Variants in PAPSS2 observed in about 807,000 individuals in gnomAD.
The protein encoded by PAPSS2 is 3'-phosphoadenosine 5'-phosphosulfate synthase 2.
In PAPSS2, 61 loss-of-function variants were observed where a neutral mutation model predicts 66.5. That is an observed-to-expected ratio of 0.92 (90% CI 0.75 to 1.14). The LOEUF is 1.14. PAPSS2 is among the 50% of genes most tolerant of loss of function. The pLI is 0.00. For missense variants in PAPSS2, 708 were observed against 789.6 expected, an observed-to-expected ratio of 0.90 and a Z score of 1.24; for synonymous variants, 289 against 287.5, an observed-to-expected ratio of 1.01 and a Z score of -0.05.
chr10:87,700,745 T>C (rs2131921964), intron 1 of PAPSS2, among the ~76,000 whole-genome samples: 1 of 152,040 alleles, frequency 6.6e-6, no homozygotes, highest in East Asian at 1.9e-4. Flanking sequence ...ACCATAGATG[T>C]CTACACTAAA....
chr10:87,685,613 G>T (rs1853078361), intron 1 of PAPSS2, among the ~76,000 whole-genome samples: 1 of 152,170 alleles, frequency 6.6e-6, no homozygotes, highest in Non-Finnish European at 1.5e-5. Flanking sequence ...GAGCCTGGGA[G>T]GTTGAGGCTA....
intron 1 of PAPSS2, among the ~76,000 whole-genome samples, chr10:87,708,413 G>C (rs1853418843): frequency 6.6e-6 from 1 of 152,178 alleles, no homozygotes; most frequent in Non-Finnish European, 1.5e-5. Context: ...CCGTGTCTCT[G>C]ATGTCTGAAT....
In PAPSS2 at chr10:87,727,379, G is replaced by A. The variant is rs1293961793; in HGVS notation, c.976G>A (p.Gly326Ser). The A allele has an allele frequency of 1.2e-6, 2 of 1,613,964 alleles. No homozygotes were observed. The highest frequency in any genetic ancestry group is 2.7e-5 in the African/African-American group (2 of 74,920). Reference sequence around the variant, plus strand: ...GTGCAGCAAGTTTGTCCTGGCACATGGTGGACGGAGGGTAGCTATCTTACG... The same window carrying A: ...GTGCAGCAAGTTTGTCCTGGCACATAGTGGACGGAGGGTAGCTATCTTACG... ...EGCSKFVLAHGGRRVAILRDA... is the reference protein window; with the variant it reads ...EGCSKFVLAHSGRRVAILRDA... Residue 326 changes from glycine (G) to serine (S), a missense_variant, in exon 9 of 13, where the codon GGT becomes AGT. Gly to Ser is a moderately conservative substitution (Grantham distance 56). Transcript: ENST00000456849.
intron 7 of PAPSS2, among the ~76,000 whole-genome samples, chr10:87,719,376 T>C (rs929463648): frequency 2.0e-5 from 3 of 152,170 alleles, no homozygotes; most frequent in Non-Finnish European, 2.9e-5. Flanking sequence ...ACCTACCTCA[T>C]TGGATGTTGA....
chr10:87,680,243 C>T (rs1002472588), intron 1 of PAPSS2, among the ~76,000 whole-genome samples: 4 of 152,170 alleles, frequency 2.6e-5, no homozygotes, highest in Non-Finnish European at 4.4e-5. Context: ...GAACTAGACC[C>T]GTTACTATTT....
chr10:87,684,509 C>T (rs1030848681), intron 1 of PAPSS2, among the ~76,000 whole-genome samples: 1 of 152,212 alleles, frequency 6.6e-6, no homozygotes, highest in Admixed American at 6.5e-5. Context: ...TGTCTTTGAA[C>T]GCTATAGATT....
intron 1 of PAPSS2, among the ~76,000 whole-genome samples, chr10:87,706,240 G>A (rs1323970970): frequency 6.7e-6 from 1 of 149,160 alleles, no homozygotes; most frequent in Non-Finnish European, 1.5e-5. Flanking sequence ...TCTTTGTTTG[G>A]TACTATATTT....
At chr10:87,709,467 C>G (rs752396914) in intron 2 of PAPSS2, among the ~76,000 whole-genome samples, 154 bp downstream of exon 2, 3 of 152,128 alleles carry the variant, frequency 2.0e-5, no homozygotes, top group Admixed American at 1.3e-4. Context: ...AGTCCTAACC[C>G]TACCATCAGT....
chr10:87,707,564 C>CTTTTTT (rs747152482), intron 1 of PAPSS2, among the ~76,000 whole-genome samples: 108 of 93,832 alleles, frequency 1.2e-3, no homozygotes, highest in Middle Eastern at 8.8e-3. Context: ...TCTTTTTTTT[C>CTTTTTT]TTTTTTTTTT....
At chr10:87,679,244 A>G (rs907100423) in intron 1 of PAPSS2, among the ~76,000 whole-genome samples, 2 of 152,224 alleles carry the variant, frequency 1.3e-5, no homozygotes, top group Non-Finnish European at 2.9e-5. Flanking sequence ...TCATCAAGGT[A>G]GAGAGTAGAA....
At chr10:87,740,968 G>A (rs1477883061) in intron 9 of PAPSS2, among the ~76,000 whole-genome samples, 1 of 152,124 alleles carries the variant, frequency 6.6e-6, no homozygotes. Context: ...CATTTTTAAA[G>A]GTTCTCAGTT....
rs1438104670 is a variant in PAPSS2, at chr10:87,662,189, C to A, written c.27+2181C>A. 3.3e-5 allele frequency among the ~76,000 whole-genome samples: 5 copies of A among 152,274 alleles called. No individual in the cohort carries two copies. The East Asian group carries it at 5.8e-4, about 18-fold the overall frequency. ...AACAGAGGACAGTTAATTCACACAG[C>A]AGCCACTACAGTAACTTCAAATATT... is the stretch of plus-strand genomic sequence containing the variant. On this transcript the variant is annotated intron_variant, in intron 1 of 12. Transcript: ENST00000456849.
intron 4 of PAPSS2, 39 bp from the exon 5 acceptor site, chr10:87,714,706 C>G: frequency 9.1e-7 from 1 of 1,102,388 alleles, no homozygotes; most frequent in Non-Finnish European, 1.4e-6. Context: ...ATTATTCTGT[C>G]AATACAGATG....
At chr10:87,691,636 A>G (rs1388945024) in intron 1 of PAPSS2, among the ~76,000 whole-genome samples, 1 of 152,200 alleles carries the variant, frequency 6.6e-6, no homozygotes, top group Non-Finnish European at 1.5e-5. Context: ...AGTTTGGGAA[A>G]TGAGATATCA....
chr10:87,694,188 C>T (rs1480005992), intron 1 of PAPSS2, among the ~76,000 whole-genome samples: 2 of 152,174 alleles, frequency 1.3e-5, no homozygotes, highest in Non-Finnish European at 2.9e-5. Context: ...GCTCAAGGTT[C>T]TAGTGGAGGC....
At chr10:87,724,489 C>T (rs1324796901) in intron 8 of PAPSS2, among the ~76,000 whole-genome samples, 1 of 151,414 alleles carries the variant, frequency 6.6e-6, no homozygotes, top group East Asian at 1.9e-4. Flanking sequence ...CAGGGTTCTC[C>T]AGAGAAACAG....
chr10:87,685,950 G>T (rs1189825150), intron 1 of PAPSS2, among the ~76,000 whole-genome samples: 1 of 152,132 alleles, frequency 6.6e-6, no homozygotes, highest in African/African-American at 2.4e-5. Context: ...TCTTAGAGCA[G>T]TGCAAAGTTT....
intron 2 of PAPSS2, among the ~76,000 whole-genome samples, chr10:87,711,089 T>TG (rs1252422684): frequency 6.6e-6 from 1 of 152,246 alleles, no homozygotes; most frequent in Non-Finnish European, 1.5e-5. Flanking sequence ...GGTAGGCTGT[T>TG]GACCAGGCAG....
intron 1 of PAPSS2, among the ~76,000 whole-genome samples, chr10:87,666,133 T>G (rs934012419): frequency 6.6e-6 from 1 of 152,012 alleles, no homozygotes; most frequent in African/African-American, 2.4e-5. Context: ...CCGGCTAATT[T>G]TTGTATTTTT....
Sources: allele counts gnomAD v4.1 joint callset (sites outside exome capture counted in the v4.1 genomes callset), GRCh38; gene constraint gnomAD v4.1.1; transcripts MANE v1.5; gene names NCBI Gene and HGNC (gene_info 2026-07-23, HGNC 2026-07-21).